The following TRAPPC6A variants were observed in gnomAD, a reference collection of about 807,000 sequenced individuals.
TRAPPC6A encodes TRAPP complex subunit 6A.
Under a neutral mutation model 20.8 loss-of-function variants are expected in TRAPPC6A, and 25 were observed. The ratio of observed to expected loss-of-function variants is 1.20; its 90% CI spans 0.88 to 1.68. The LOEUF is 1.68. Among genes scored for constraint, TRAPPC6A ranks in the 40% most tolerant of loss-of-function variants. The pLI is 0.00. For missense variants in TRAPPC6A, 215 were observed against 211.6 expected (o/e 1.02, Z -0.10); for synonymous variants, 96 against 93.3 (o/e 1.03, Z -0.16).
At chr19:45,176,381 G>A (rs1042036410) in intron 1 of TRAPPC6A, among the ~76,000 whole-genome samples, 19 of 151,980 alleles carry the variant, frequency 1.3e-4, no homozygotes, top group African/African-American at 4.3e-4. Context: ...GGAGAATTGC[G>A]TGAACCCAGG....
In TRAPPC6A at chr19:45,164,572, G is replaced by A. The variant is rs114397003; in HGVS notation, c.270+281C>T. Among the ~76,000 whole-genome samples, 1,459 of 152,270 alleles carry A rather than the reference G, an allele frequency of 9.6e-3. 9 individuals carry two copies. The highest frequency in any genetic ancestry group is 0.014 in the Middle Eastern group (4 of 294). ...GGGGGACTAGACCAGCTTGGGACAAGCAGCATCACACTGGGGGTAGGGCAG... is the reference window on the plus strand; with the variant it reads ...GGGGGACTAGACCAGCTTGGGACAAACAGCATCACACTGGGGGTAGGGCAG... On this transcript the variant is annotated intron_variant, in intron 3 of 5. Coordinates refer to ENST00000585934, the MANE Select transcript of TRAPPC6A (RefSeq NM_001270891.2).
chr19:45,169,317 G>A (rs1159943181), intron 1 of TRAPPC6A, among the ~76,000 whole-genome samples: 1 of 152,194 alleles, frequency 6.6e-6, no homozygotes, highest in Non-Finnish European at 1.5e-5. Context: ...TTGTTTTTGA[G>A]ATAGGGTCTC....
At position 45,172,150 on chromosome 19, in the gene TRAPPC6A, A is replaced by C. The variant is rs1184108881; in HGVS notation, c.84+5985T>G. On this transcript the variant is annotated intron_variant, in intron 1 of 5. Coordinates refer to ENST00000585934, the MANE Select transcript of TRAPPC6A (RefSeq NM_001270891.2). This position sits in a 1 kb window ranked among gnomAD's most constrained non-coding sequence, Gnocchi z 4.2. ...TAACCACCGTACCAGGCAGGATAGGAGGTCACAAAAGCCCTACACACTGGC... is the reference window on the plus strand; with the variant it reads ...TAACCACCGTACCAGGCAGGATAGGCGGTCACAAAAGCCCTACACACTGGC... 6.6e-6 allele frequency among the ~76,000 whole-genome samples: 1 copy of C among 151,600 alleles called. No individual in the cohort carries two copies. The highest frequency in any genetic ancestry group is 1.5e-5 in the Non-Finnish European group (1 of 67,950).
At chr19:45,168,670 T>A (rs1199581860) in intron 1 of TRAPPC6A, among the ~76,000 whole-genome samples, 1 of 152,182 alleles carries the variant, frequency 6.6e-6, no homozygotes, top group Non-Finnish European at 1.5e-5. Context: ...CGGCATACTG[T>A]GTGGCAGGCG....
chr19:45,169,346 G>C (rs1969223343), intron 1 of TRAPPC6A, among the ~76,000 whole-genome samples: 1 of 152,160 alleles, frequency 6.6e-6, no homozygotes, highest in African/African-American at 2.4e-5. Context: ...ACCCAGGCTG[G>C]AGTGCAATGG....
chr19:45,163,435 G>A lies in TRAPPC6A; in HGVS notation c.449-212C>T, dbSNP rs777563743. Among the ~76,000 whole-genome samples, 7 of 152,156 alleles carry A rather than the reference G, an allele frequency of 4.6e-5. No individual in the cohort carries two copies. The highest frequency in any genetic ancestry group is 7.4e-5 in the Non-Finnish European group (5 of 68,006). On this transcript the variant is annotated intron_variant, in intron 5 of 5. Coordinates refer to ENST00000585934, the MANE Select transcript of TRAPPC6A (RefSeq NM_001270891.2). The surrounding 1 kb of genome is among the most constrained non-coding windows in gnomAD (Gnocchi z 5.3). ...GTGGCCCCAGGGAAGCGCCCGGCAC[G>A]GGCTTCTGTGGTATGCATTGCTCGG...
intron 1 of TRAPPC6A, among the ~76,000 whole-genome samples, chr19:45,168,806 A>G (rs1969212495): frequency 6.6e-6 from 1 of 151,660 alleles, no homozygotes; most frequent in Non-Finnish European, 1.5e-5. Flanking sequence ...TGTCTTTCAC[A>G]CCCCAGCAGG....
chr19:45,171,305 A>T (rs201189859), intron 1 of TRAPPC6A, among the ~76,000 whole-genome samples: 18,235 of 148,722 alleles, frequency 0.12, 1,263 homozygotes, highest in African/African-American at 0.19. Flanking sequence ...CAGTCACAAA[A>T]CAAAACAAAA....
rs148811296 is a variant in TRAPPC6A, at chr19:45,167,100, G to T, written c.85-1906C>A. 3.1e-3 allele frequency among the ~76,000 whole-genome samples: 470 copies of T among 152,274 alleles called. 2 individuals are homozygous for T. Among genetic ancestry groups the T allele is most frequent in the African/African-American group, 0.011 (439 of 41,552 alleles). On this transcript the variant is annotated intron_variant, in intron 1 of 5. Coordinates refer to ENST00000585934, the MANE Select transcript of TRAPPC6A (RefSeq NM_001270891.2). ...CACACTGTCCCTGGATGAGGACACA[G>T]CTCTGTGAAGGTGGGGACCCAGGCT...
At chr19:45,167,918 A>T (rs1969190616) in intron 1 of TRAPPC6A, among the ~76,000 whole-genome samples, 1 of 149,760 alleles carries the variant, frequency 6.7e-6, no homozygotes, top group Non-Finnish European at 1.5e-5. Flanking sequence ...GGATCATCTG[A>T]GCCCAGGAGG....
At position 45,163,329 on chromosome 19, in the gene TRAPPC6A, G is replaced by T; in HGVS notation, c.449-106C>A. The T allele has an allele frequency of 7.9e-7, 1 of 1,261,864 alleles. No individual in the cohort carries two copies. 78.2% of individuals were successfully genotyped at this position (1,261,864 alleles called of 1,614,324 possible). On this transcript the variant is annotated intron_variant, in intron 5 of 5. Transcript: ENST00000585934. The surrounding 1 kb of genome is among the most constrained non-coding windows in gnomAD (Gnocchi z 5.3). ...CCCGTCCTGCACTGACACCCCAGTG[G>T]CTAGGTTGGGCTGTTTCCTCCCGCC...
intron 1 of TRAPPC6A, among the ~76,000 whole-genome samples, chr19:45,166,858 G>C (rs996660609): frequency 1.3e-5 from 2 of 152,256 alleles, no homozygotes; most frequent in East Asian, 3.9e-4. Flanking sequence ...TCCGAATGGG[G>C]ATGCGAATTC....
At position 45,163,707 on chromosome 19, in the gene TRAPPC6A, G is replaced by A. The variant is rs1280997622; in HGVS notation, c.448+209C>T. Among the ~76,000 whole-genome samples the A allele has an allele frequency of 6.6e-6, 1 of 152,136 alleles. No homozygotes were observed. The highest frequency in any genetic ancestry group is 2.4e-5 in the African/African-American group (1 of 41,434). Reference sequence around the variant, plus strand: ...CACCTCGGCTCCCATGCTGGGAAACGATGTTCAAAACCGCCAGACAGTTCT... The same window carrying A: ...CACCTCGGCTCCCATGCTGGGAAACAATGTTCAAAACCGCCAGACAGTTCT... On this transcript the variant is annotated intron_variant, in intron 5 of 5. Transcript: ENST00000585934. The surrounding 1 kb of genome is among the most constrained non-coding windows in gnomAD (Gnocchi z 5.3).
rs763570669 is a variant in TRAPPC6A, at chr19:45,178,221, C to A, written c.-3G>T. The A allele has an allele frequency of 3.1e-6, 5 of 1,591,984 alleles. No individual in the cohort carries two copies. The highest frequency in any genetic ancestry group is 1.7e-4 in the Middle Eastern group (1 of 5,954). On this transcript the variant is annotated 5_prime_UTR_variant, in exon 1 of 6. Coordinates refer to ENST00000585934, the MANE Select transcript of TRAPPC6A (RefSeq NM_001270891.2). The stretch of plus-strand genomic sequence containing the variant: ...TCAAACAACACAGTATCCGCCATGC[C>A]CCCTCCTCGCACGCCTAAAGATGCG...
chr19:45,178,165 C>T lies in TRAPPC6A; in HGVS notation c.54G>A (p.Leu18=). The T allele has an allele frequency of 1.9e-6, 3 of 1,613,056 alleles. No individual in the cohort carries two copies. The highest frequency in any genetic ancestry group is 2.5e-6 in the Non-Finnish European group (3 of 1,179,282). The part of the protein sequence containing the change: ...EFLHTEMVAE[L]WAHDPDPGPG... Reference sequence around the variant, plus strand: ...GGCCGGGGTCGGGGTCGTGAGCCCACAGCTCAGCCACCATCTCCGTGTGAA... The same window carrying T: ...GGCCGGGGTCGGGGTCGTGAGCCCATAGCTCAGCCACCATCTCCGTGTGAA... Residue 18 remains leucine (L), a synonymous_variant, in exon 1 of 6, where the codon CTG becomes CTA. Transcript: ENST00000585934.
intron 1 of TRAPPC6A, among the ~76,000 whole-genome samples, chr19:45,177,086 G>T (rs1002171938): frequency 6.6e-6 from 1 of 152,230 alleles, no homozygotes; most frequent in Non-Finnish European, 1.5e-5. Flanking sequence ...GGGAGGCTGA[G>T]AAGTGGGATG....
At position 45,178,159 on chromosome 19, in the gene TRAPPC6A, A is replaced by G; in HGVS notation, c.60T>C (p.Ala20=). 1 of 1,613,108 alleles carries G rather than the reference A, an allele frequency of 6.2e-7. No homozygotes were observed. Among genetic ancestry groups the G allele is most frequent in the Non-Finnish European group, 8.5e-7 (1 of 1,179,336 alleles). Residue 20 remains alanine (A), a synonymous_variant, in exon 1 of 6, where the codon GCT becomes GCC. Transcript: ENST00000585934. Reference sequence around the variant, plus strand: ...CCCCCGGGCCGGGGTCGGGGTCGTGAGCCCACAGCTCAGCCACCATCTCCG... The same window carrying G: ...CCCCCGGGCCGGGGTCGGGGTCGTGGGCCCACAGCTCAGCCACCATCTCCG... The part of the protein sequence containing the change: ...LHTEMVAELW[A]HDPDPGPGGQ...
chr19:45,163,144 C>T lies in TRAPPC6A; in HGVS notation c.*48G>A. 6.2e-7 allele frequency: 1 copy of T among 1,611,084 alleles called. No individual in the cohort carries two copies. Among genetic ancestry groups the T allele is most frequent in the Non-Finnish European group, 8.5e-7 (1 of 1,177,680 alleles). On this transcript the variant is annotated 3_prime_UTR_variant, in exon 6 of 6. Transcript: ENST00000585934. This position sits in a 1 kb window ranked among gnomAD's most constrained non-coding sequence, Gnocchi z 5.3. ...GCAGCGGCCCCACCGTCTCCTGAGG[C>T]CGGTGAGGCCAGGGGCAGCAGTGCG...
At chr19:45,170,523 G>T (rs768095363) in intron 1 of TRAPPC6A, among the ~76,000 whole-genome samples, 1 of 152,204 alleles carries the variant, frequency 6.6e-6, no homozygotes, top group Non-Finnish European at 1.5e-5. Context: ...GAGTCAGCAG[G>T]GTCCTTCAGC....
Sources: allele counts gnomAD v4.1 joint callset (sites outside exome capture counted in the v4.1 genomes callset), GRCh38; gene constraint gnomAD v4.1.1; non-coding constraint Gnocchi (gnomAD v3.1); transcripts MANE v1.5; gene names NCBI Gene and HGNC (gene_info 2026-07-23, HGNC 2026-07-21).